STK10: variants seen among roughly 807,000 people sequenced by gnomAD.
STK10 encodes the protein serine/threonine-protein kinase 10.
In STK10, 78 loss-of-function variants were observed where a neutral mutation model predicts 113.8. The ratio of observed to expected loss-of-function variants is 0.69; its 90% CI spans 0.57 to 0.83. The LOEUF (loss-of-function observed/expected upper bound fraction) is 0.83, where lower values mean the gene tolerates loss of function less well. STK10 is among the 40% of genes least tolerant of loss of function. STK10 has a pLI of 0.00. For missense variants in STK10, 1,109 were observed against 1,280.1 expected (o/e 0.87, Z 2.04); for synonymous variants, 465 against 494.7 (o/e 0.94, Z 0.80).
Position 172,187,406 on chromosome 5 carries a change from A to C in STK10, c.156+481T>G, listed in dbSNP as rs1341390557. Among the ~76,000 whole-genome samples the C allele has an allele frequency of 1.3e-5, 2 of 150,820 alleles. No homozygotes were observed. The highest frequency in any genetic ancestry group is 4.9e-5 in the African/African-American group (2 of 40,928). On this transcript the variant is annotated intron_variant, in intron 1 of 18. Coordinates refer to ENST00000176763, the MANE Select transcript of STK10 (RefSeq NM_005990.4). The surrounding 1 kb of genome is among the most constrained non-coding windows in gnomAD (Gnocchi z 4.6). ...TTCCCTGTCTCTGGCTCATCTTCAG[A>C]TGTGTCCCTAGCTCCCAACCCGTCC...
At chr5:172,058,700 G>A (rs2113698943) in intron 14 of STK10, among the ~76,000 whole-genome samples, 1 of 152,192 alleles carries the variant, frequency 6.6e-6, no homozygotes, top group South Asian at 2.1e-4. Context: ...GACCAGCCTG[G>A]GCAAAATGGC....
chr5:172,137,647 G>A (rs867193792), intron 2 of STK10, among the ~76,000 whole-genome samples: 36 of 151,140 alleles, frequency 2.4e-4, no homozygotes, highest in African/African-American at 7.8e-4. Flanking sequence ...TTGGGAGGCC[G>A]AGGCGGGCGG....
chr5:172,066,782 G>A (rs142417826), intron 12 of STK10, among the ~76,000 whole-genome samples: 8 of 152,306 alleles, frequency 5.3e-5, no homozygotes, highest in South Asian at 2.1e-4. Flanking sequence ...GCGAGACTCC[G>A]TCTCAAAAAC....
chr5:172,112,523 C>A (rs1769261267), intron 4 of STK10, among the ~76,000 whole-genome samples: 2 of 150,724 alleles, frequency 1.3e-5, no homozygotes, highest in African/African-American at 2.4e-5. Context: ...TGGGTTCACG[C>A]CATTCTCCTG....
At chr5:172,097,977 C>T (rs1286017635) in intron 7 of STK10, among the ~76,000 whole-genome samples, 2 of 152,180 alleles carry the variant, frequency 1.3e-5, no homozygotes, top group African/African-American at 4.8e-5. Context: ...CCACCACGCT[C>T]ACCGAAGGCC....
At chr5:172,170,690 T>C (rs974690765) in intron 1 of STK10, among the ~76,000 whole-genome samples, 6 of 152,242 alleles carry the variant, frequency 3.9e-5, no homozygotes, top group African/African-American at 1.4e-4. Context: ...GTCTTGGCCT[T>C]GGCTGAAAAC....
chr5:172,154,571 A>T (rs1379377996), intron 2 of STK10, among the ~76,000 whole-genome samples: 3 of 152,214 alleles, frequency 2.0e-5, no homozygotes, highest in Non-Finnish European at 4.4e-5. Context: ...ACAAAGTAAC[A>T]AATGTAGGCT....
intron 13 of STK10, among the ~76,000 whole-genome samples, chr5:172,064,184 T>C (rs1768016516): frequency 6.6e-6 from 1 of 151,906 alleles, no homozygotes. Flanking sequence ...ATCATGGAGA[T>C]GGTGACGAGT....
intron 2 of STK10, among the ~76,000 whole-genome samples, chr5:172,149,522 CTGTGTGTGTG>C (rs367896863): frequency 5.1e-5 from 7 of 136,526 alleles, no homozygotes; most frequent in African/African-American, 1.9e-4. Context: ...GTGTGTGTGT[CTGTGTGTGTG>C]TGTGTGTGTG....
intron 18 of STK10, among the ~76,000 whole-genome samples, chr5:172,049,105 C>T (rs980749550): frequency 6.6e-6 from 1 of 152,160 alleles, no homozygotes; most frequent in African/African-American, 2.4e-5. Flanking sequence ...CTGTTTCCCT[C>T]CCTGCTTCTT....
chr5:172,104,901 G>A (rs1294624249), intron 7 of STK10, among the ~76,000 whole-genome samples: 1 of 152,178 alleles, frequency 6.6e-6, no homozygotes, highest in Non-Finnish European at 1.5e-5. Flanking sequence ...TTCCGTGGTG[G>A]ACAGCACAGA....
chr5:172,134,476 A>G (rs1244942114), intron 2 of STK10, among the ~76,000 whole-genome samples: 1 of 152,172 alleles, frequency 6.6e-6, no homozygotes, highest in Non-Finnish European at 1.5e-5. Flanking sequence ...GGACCTCTAA[A>G]TATGTGTCAA....
chr5:172,139,315 C>T (rs78511243), intron 2 of STK10, among the ~76,000 whole-genome samples: 1,953 of 152,134 alleles, frequency 0.013, 39 homozygotes, highest in African/African-American at 0.045. Flanking sequence ...GTAACCAATA[C>T]GGTGTGGTAC....
At chr5:172,103,442 C>T (rs969237462) in intron 7 of STK10, among the ~76,000 whole-genome samples, 1 of 152,106 alleles carries the variant, frequency 6.6e-6, no homozygotes. Context: ...GCTGCAGCTC[C>T]GGAGCTGCCA....
At chr5:172,143,887 T>G (rs1770028066) in intron 2 of STK10, among the ~76,000 whole-genome samples, 1 of 152,122 alleles carries the variant, frequency 6.6e-6, no homozygotes, top group Non-Finnish European at 1.5e-5. Context: ...TTCAGTAGCC[T>G]TAAGATGCCC....
intron 7 of STK10, among the ~76,000 whole-genome samples, chr5:172,100,439 T>C (rs1179479791): frequency 6.6e-6 from 1 of 152,168 alleles, no homozygotes; most frequent in Non-Finnish European, 1.5e-5. Context: ...TTTTCCTCTA[T>C]GTGCTTAGAA....
intron 1 of STK10, among the ~76,000 whole-genome samples, chr5:172,169,328 G>C (rs752905556): frequency 6.6e-6 from 1 of 152,220 alleles, no homozygotes; most frequent in Non-Finnish European, 1.5e-5. Flanking sequence ...GCACAGAAGA[G>C]CCAGTGGGTA....
intron 2 of STK10, among the ~76,000 whole-genome samples, chr5:172,142,452 C>T (rs1434005538): frequency 6.6e-6 from 1 of 152,202 alleles, no homozygotes; most frequent in Non-Finnish European, 1.5e-5. Flanking sequence ...ATCATGTCCT[C>T]AACATCCCCA....
intron 2 of STK10, among the ~76,000 whole-genome samples, chr5:172,137,379 T>C (rs1016783690): frequency 6.6e-6 from 1 of 152,132 alleles, no homozygotes; most frequent in African/African-American, 2.4e-5. Context: ...GATTTATTCC[T>C]GGAATGTAAG....
Sources: gnomAD v4.1 joint callset for allele counts (sites outside exome capture counted in the v4.1 genomes callset) on GRCh38, gnomAD v4.1.1 for gene constraint, Gnocchi (gnomAD v3.1) non-coding constraint, MANE v1.5 for transcripts, NCBI Gene and HGNC (gene_info 2026-07-23, HGNC 2026-07-21) for gene names.